Variants in UCMA observed in about 807,000 individuals in gnomAD.
UCMA encodes the protein upper zone of growth plate and cartilage matrix associated.
In UCMA, 21 loss-of-function variants were observed where a neutral mutation model predicts 21.8. That is an observed-to-expected ratio of 0.97 (90% CI 0.68 to 1.39). The LOEUF is 1.39. Ranked by LOEUF, UCMA falls within the 40% of genes most tolerant of loss-of-function variation. The probability of loss-of-function intolerance (pLI) is 0.00; values close to 1 mark genes in which losing one functional copy is unlikely to be tolerated. For missense variants in UCMA, 193 were observed against 178.9 expected (o/e 1.08, Z -0.45); for synonymous variants, 76 against 67.9 (o/e 1.12, Z -0.58).
At chr10:13,233,484 G>C (rs979746659) in intron 3 of UCMA, 54 bp downstream of exon 3, 41 of 1,427,758 alleles carry the variant, frequency 2.9e-5, no homozygotes, top group Middle Eastern at 3.8e-4. Context: ...GGAGCCGGGG[G>C]GTGTGAGCAG....
chr10:13,223,508 A>G (rs1175029292), intron 4 of UCMA, among the ~76,000 whole-genome samples: 3 of 152,184 alleles, frequency 2.0e-5, no homozygotes, highest in African/African-American at 7.2e-5. Flanking sequence ...CAGACGCAAA[A>G]AGATGAATAA....
At chr10:13,227,427 A>C (rs1224239300) in intron 4 of UCMA, among the ~76,000 whole-genome samples, 5 of 152,224 alleles carry the variant, frequency 3.3e-5, no homozygotes. Context: ...AGACCAAATA[A>C]ATAAACAGGG....
At chr10:13,233,665 T>G in intron 2 of UCMA, 32 bp from the exon 3 acceptor site, 1 of 1,613,688 alleles carries the variant, frequency 6.2e-7, no homozygotes, top group Non-Finnish European at 8.5e-7. Context: ...TCACCAGCAG[T>G]GTGGGGGTGC....
intron 4 of UCMA, among the ~76,000 whole-genome samples, chr10:13,224,045 T>G (rs1381483542): frequency 1.3e-5 from 2 of 152,150 alleles, no homozygotes; most frequent in African/African-American, 2.4e-5. Context: ...TAGTTTATGC[T>G]GGGCATGGTG....
intron 4 of UCMA, among the ~76,000 whole-genome samples, chr10:13,227,418 G>T (rs1286252151): frequency 1.3e-5 from 2 of 152,156 alleles, no homozygotes; most frequent in Non-Finnish European, 2.9e-5. Flanking sequence ...TTTGGAGAAA[G>T]ACCAAATAAA....
chr10:13,224,636 C>T (rs1271761387), intron 4 of UCMA, among the ~76,000 whole-genome samples: 2 of 152,154 alleles, frequency 1.3e-5, no homozygotes, highest in East Asian at 3.9e-4. Flanking sequence ...TTGGTACTAG[C>T]GAAAGTGAAA....
rs762867428 is a variant in UCMA, at chr10:13,233,810, A to T, written c.59-10T>A. On this transcript the variant is annotated splice_polypyrimidine_tract_variant and intron_variant, in intron 1 of 4. Transcript: ENST00000378681. ...GTTCCCTCTCTCAGCACTGCAGGAC[A>T]AGGGCACAGAGTGAGGCTGCAGCAT... The T allele has an allele frequency of 6.2e-6, 10 of 1,613,504 alleles. No homozygotes were observed. In the Admixed American group the frequency reaches 1.7e-4, roughly 27 times the overall value.
chr10:13,223,154 A>C (rs1484234320), intron 4 of UCMA, among the ~76,000 whole-genome samples: 1 of 148,798 alleles, frequency 6.7e-6, no homozygotes, highest in Non-Finnish European at 1.5e-5. Context: ...TGAACCTGGG[A>C]GGTGGAGGAT....
chr10:13,227,983 G>GGAACCCT (rs1834846198), intron 4 of UCMA, among the ~76,000 whole-genome samples: 1 of 151,838 alleles, frequency 6.6e-6, no homozygotes, highest in Non-Finnish European at 1.5e-5. Flanking sequence ...AGAGCAGACA[G>GGAACCCT]GAACCCTGTC....
At chr10:13,224,355 G>T (rs1834797008) in intron 4 of UCMA, among the ~76,000 whole-genome samples, 1 of 141,230 alleles carries the variant, frequency 7.1e-6, no homozygotes. Flanking sequence ...GGTGGGGAGG[G>T]AGGGAGGGAA....
chr10:13,227,704 G>A (rs1211620605), intron 4 of UCMA, among the ~76,000 whole-genome samples: 2 of 107,898 alleles, frequency 1.9e-5, no homozygotes, highest in East Asian at 3.0e-4. Context: ...GTGACAGAAT[G>A]AGACTGTCTC....
At chr10:13,233,689 T>C in intron 2 of UCMA, 46 bp downstream of exon 2, 1 of 1,613,932 alleles carries the variant, frequency 6.2e-7, no homozygotes, top group Non-Finnish European at 8.5e-7. Context: ...GGCTGCTGCT[T>C]CGCTGGCTGC....
In UCMA at chr10:13,221,861, G is replaced by A. The variant is rs1199747951; in HGVS notation, c.*242C>T. 1 of 521,312 alleles carries A rather than the reference G, an allele frequency of 1.9e-6. No homozygotes were observed. The highest frequency in any genetic ancestry group is 3.2e-5 in the East Asian group (1 of 30,794). 32.3% of individuals were successfully genotyped at this position (521,312 alleles called of 1,614,324 possible). A position where few individuals can be genotyped will look rare whatever the true frequency, so the allele number is the denominator to read the frequency against. Reference sequence around the variant, plus strand: ...ACGAAGCCAGGGGAAGCCACTGTAGGTTTGGTACTAGGAGGCCCTGCAGGC... The same window carrying A: ...ACGAAGCCAGGGGAAGCCACTGTAGATTTGGTACTAGGAGGCCCTGCAGGC... On this transcript the variant is annotated 3_prime_UTR_variant, in exon 5 of 5. Coordinates refer to ENST00000378681, the MANE Select transcript of UCMA (RefSeq NM_145314.3).
intron 4 of UCMA, among the ~76,000 whole-genome samples, chr10:13,228,386 G>T (rs998403635): frequency 6.6e-6 from 1 of 152,080 alleles, no homozygotes; most frequent in Non-Finnish European, 1.5e-5. Flanking sequence ...AAAGACCAAG[G>T]CTTAGAGAAG....
At chr10:13,224,590 A>G (rs1406601152) in intron 4 of UCMA, among the ~76,000 whole-genome samples, 1 of 152,180 alleles carries the variant, frequency 6.6e-6, no homozygotes, top group Non-Finnish European at 1.5e-5. Context: ...TGTTTTCTCA[A>G]ATGTGGACCT....
intron 4 of UCMA, 122 bp downstream of exon 4, chr10:13,229,489 G>A: frequency 1.2e-6 from 1 of 828,534 alleles, no homozygotes; most frequent in Non-Finnish European, 1.9e-6. Context: ...CTGGGCAACA[G>A]AGCAAGACTT....
At chr10:13,230,646 C>T (rs1191278201) in intron 3 of UCMA, among the ~76,000 whole-genome samples, 2 of 152,160 alleles carry the variant, frequency 1.3e-5, no homozygotes, top group Non-Finnish European at 2.9e-5. Flanking sequence ...CAAGAGGAGG[C>T]TGGGGGGTGC....
At chr10:13,233,094 C>T (rs958540582) in intron 3 of UCMA, among the ~76,000 whole-genome samples, 1 of 152,160 alleles carries the variant, frequency 6.6e-6, no homozygotes, top group Non-Finnish European at 1.5e-5. Flanking sequence ...CCTGTGCCTT[C>T]CCCATGTGCG....
chr10:13,230,995 T>C (rs1021105410), intron 3 of UCMA, among the ~76,000 whole-genome samples: 6 of 152,118 alleles, frequency 3.9e-5, no homozygotes, highest in African/African-American at 1.2e-4. Flanking sequence ...AGGTGGAGGT[T>C]GAGATCACGC....
Sources: gnomAD v4.1 joint callset for allele counts (sites outside exome capture counted in the v4.1 genomes callset) on GRCh38, gnomAD v4.1.1 for gene constraint, MANE v1.5 for transcripts, NCBI Gene and HGNC (gene_info 2026-07-23, HGNC 2026-07-21) for gene names.